Variants in DIP2B observed in about 807,000 individuals in gnomAD.
DIP2B encodes the protein DIP2 acetate--CoA ligase B (putative).
In DIP2B, 76 loss-of-function variants were observed where a neutral mutation model predicts 198.0. The observed-to-expected ratio is 0.38, with a 90% CI of 0.32 to 0.46. DIP2B has a LOEUF of 0.46. Among genes scored for constraint, DIP2B ranks in the 20% least tolerant of loss-of-function variants. The pLI, the probability that DIP2B is intolerant of heterozygous loss-of-function variation, is 0.99. For synonymous variants in DIP2B, 701 were observed against 739.1 expected, an observed-to-expected ratio of 0.95 and a Z score of 0.84; for missense variants, 1,559 against 1,978.4, an observed-to-expected ratio of 0.79 and a Z score of 4.02.
chr12:50,714,554 A>C lies in DIP2B; in HGVS notation c.2809A>C (p.Thr937Pro). Residue 937 changes from threonine (T) to proline (P), a missense_variant, in exon 23 of 38, where the codon ACA (threonine) becomes CCA (proline). Coordinates refer to ENST00000301180, the MANE Select transcript of DIP2B (RefSeq NM_173602.3). ...HPCNILMCPH[T>P]CVTNLPKPRQ... ...TTGCAACATCCTCATGTGCCCCCAT[A>C]CATGTGTGACAAACTTGCCAAAGCC... The C allele has an allele frequency of 6.2e-7, 1 of 1,614,138 alleles. No individual in the cohort carries two copies. The highest frequency in any genetic ancestry group is 8.5e-7 in the Non-Finnish European group (1 of 1,179,998).
chr12:50,626,142 C>A, intron 2 of DIP2B, 95 bp downstream of exon 2: 1 of 1,287,780 alleles, frequency 7.8e-7, no homozygotes, highest in Non-Finnish European at 1.1e-6. Flanking sequence ...TCCTGTTTTT[C>A]CCTCCCTTCC....
intron 22 of DIP2B, among the ~76,000 whole-genome samples, chr12:50,713,232 G>C (rs958338688): frequency 2.0e-5 from 3 of 152,150 alleles, no homozygotes; most frequent in Non-Finnish European, 4.4e-5. Flanking sequence ...ACAGACTTGA[G>C]TCACCATACC....
chr12:50,641,920 T>A lies in DIP2B; in HGVS notation c.301+1068T>A, dbSNP rs146196687. 5.9e-4 allele frequency among the ~76,000 whole-genome samples: 90 copies of A among 152,334 alleles called. 2 individuals carry two copies. In the East Asian group the frequency reaches 0.016, roughly 27 times the overall value. The stretch of plus-strand genomic sequence containing the variant: ...GGGGATATTATTTATTTTCTTCAGA[T>A]TTTTGTCTTCTTTGTACTGACCAAG... On this transcript the variant is annotated intron_variant, in intron 3 of 37. Transcript: ENST00000301180.
At chr12:50,526,958 A>G (rs1339128567) in intron 1 of DIP2B, among the ~76,000 whole-genome samples, 4 of 152,248 alleles carry the variant, frequency 2.6e-5, no homozygotes, top group African/African-American at 9.6e-5. Context: ...TCTTAACCAA[A>G]TGTAATATCC....
At chr12:50,736,631 A>G (rs7977690) in intron 34 of DIP2B, among the ~76,000 whole-genome samples, 41,179 of 152,044 alleles carry the variant, frequency 0.27, 6,341 homozygotes, top group Non-Finnish European at 0.35. Context: ...GGAGTGACTT[A>G]GGCTGTCCCT....
chr12:50,652,323 TTA>T (rs1053472591), intron 3 of DIP2B, among the ~76,000 whole-genome samples: 5 of 129,260 alleles, frequency 3.9e-5, no homozygotes, highest in Admixed American at 8.9e-5. Context: ...AATATATATA[TTA>T]TATATATATA....
intron 26 of DIP2B, among the ~76,000 whole-genome samples, chr12:50,722,313 C>T (rs1219836034): frequency 4.7e-5 from 7 of 149,546 alleles, no homozygotes; most frequent in Non-Finnish European, 8.9e-5. Flanking sequence ...GAGACGGAGC[C>T]TTGCTCTGCC....
At chr12:50,630,678 T>C (rs983021307) in intron 2 of DIP2B, among the ~76,000 whole-genome samples, 2 of 143,374 alleles carry the variant, frequency 1.4e-5, no homozygotes, top group Admixed American at 1.4e-4. Flanking sequence ...TTTTTTTTTT[T>C]TTTTTTTTTT....
chr12:50,727,630 A>G lies in DIP2B; in HGVS notation c.3401-73A>G, dbSNP rs74689988. ...TGCGAAGCTAAATTTGGCCATAGCAAAGCCACAGAAGAGCAATGATTTTCA... is the reference window on the plus strand; with the variant it reads ...TGCGAAGCTAAATTTGGCCATAGCAGAGCCACAGAAGAGCAATGATTTTCA... On this transcript the variant is annotated intron_variant, in intron 28 of 37. Coordinates refer to ENST00000301180, the MANE Select transcript of DIP2B (RefSeq NM_173602.3). 13,335 of 1,420,518 alleles carry G rather than the reference A, an allele frequency of 9.4e-3. 79 individuals carry two copies. The highest frequency in any genetic ancestry group is 0.012 in the Non-Finnish European group (12,039 of 1,011,498). The allele number at this position is 1,420,518 out of a possible 1,614,324, so 88.0% of individuals were successfully genotyped here. A position where few individuals can be genotyped will look rare whatever the true frequency, so the allele number is the denominator to read the frequency against.
rs1224975544 is a variant in DIP2B, at chr12:50,746,858, T to C, written c.*2019T>C. 2 of 152,222 alleles carry C rather than the reference T, an allele frequency of 1.3e-5. No homozygotes were observed. The highest frequency in any genetic ancestry group is 2.4e-5 in the African/African-American group (1 of 41,450). 9.4% of individuals were successfully genotyped at this position (152,222 alleles called of 1,614,324 possible). A position where few individuals can be genotyped will look rare whatever the true frequency, so the allele number is the denominator to read the frequency against. On this transcript the variant is annotated 3_prime_UTR_variant, in exon 38 of 38. Transcript: ENST00000301180. ...TATAATCCCCAAGTTCTAAAAGTTA[T>C]GGTTAGATGCTATTCTGTGGGTTGC...
chr12:50,576,435 T>G (rs1477850555), intron 1 of DIP2B, among the ~76,000 whole-genome samples: 2 of 151,646 alleles, frequency 1.3e-5, no homozygotes, highest in Non-Finnish European at 2.9e-5. Flanking sequence ...AGACCACATG[T>G]GGTCTGCAAA....
At chr12:50,636,721 G>C (rs1938165859) in intron 2 of DIP2B, among the ~76,000 whole-genome samples, 3 of 152,200 alleles carry the variant, frequency 2.0e-5, no homozygotes, top group African/African-American at 7.2e-5. Context: ...GCATCATGGA[G>C]GAGGAGCCAG....
chr12:50,680,843 T>C, intron 9 of DIP2B, 80 bp downstream of exon 9: 1 of 1,308,828 alleles, frequency 7.6e-7, no homozygotes. Flanking sequence ...TCTGGAGTTT[T>C]CATATACAAC....
chr12:50,652,547 G>T (rs978626338), intron 3 of DIP2B, among the ~76,000 whole-genome samples: 1 of 151,842 alleles, frequency 6.6e-6, no homozygotes, highest in Non-Finnish European at 1.5e-5. Context: ...AAAAAAAGAA[G>T]TATGAAGACT....
chr12:50,636,391 T>C (rs1189181498), intron 2 of DIP2B, among the ~76,000 whole-genome samples: 1 of 152,190 alleles, frequency 6.6e-6, no homozygotes, highest in Non-Finnish European at 1.5e-5. Flanking sequence ...TTCATTTGTT[T>C]GGTTTGGATG....
In DIP2B at chr12:50,734,143, A is replaced by G. The variant is rs1940097101; in HGVS notation, c.3990A>G (p.Ser1330=). Reference sequence around the variant, plus strand: ...GATTTGTCTTTCTTTAGGGAACCTCAGGGCCTGATCCGACTACTGTGTATG... The same window carrying G: ...GATTTGTCTTTCTTTAGGGAACCTCGGGGCCTGATCCGACTACTGTGTATG... ...VNVAICLQGT[S]GPDPTTVYVD... is the part of the protein sequence containing the mutation. The change falls in exon 33 of 38, where the codon TCA becomes TCG. Residue 1330 remains serine, a synonymous_variant. Coordinates refer to ENST00000301180, the MANE Select transcript of DIP2B (RefSeq NM_173602.3). The G allele has an allele frequency of 6.2e-7, 1 of 1,614,204 alleles. No homozygotes were observed. Among genetic ancestry groups the G allele is most frequent in the Admixed American group, 1.7e-5 (1 of 60,020 alleles).
At chr12:50,550,055 A>G (rs1344864838) in intron 1 of DIP2B, among the ~76,000 whole-genome samples, 1 of 152,142 alleles carries the variant, frequency 6.6e-6, no homozygotes, top group African/African-American at 2.4e-5. Context: ...AGCCTTGAGT[A>G]TTCCTGCTTT....
At chr12:50,556,940 C>T (rs531495409) in intron 1 of DIP2B, among the ~76,000 whole-genome samples, 1 of 152,236 alleles carries the variant, frequency 6.6e-6, no homozygotes, top group East Asian at 1.9e-4. Context: ...GAACTCCTGA[C>T]CTCAGGTGAT....
At chr12:50,672,540 TAAC>T (rs1938873059) in intron 5 of DIP2B, among the ~76,000 whole-genome samples, 2 of 152,252 alleles carry the variant, frequency 1.3e-5, no homozygotes, top group Non-Finnish European at 2.9e-5. Flanking sequence ...GGATTTTTGT[TAAC>T]AAGATGTCTC....
Sources: allele counts gnomAD v4.1 joint callset (sites outside exome capture counted in the v4.1 genomes callset), GRCh38; gene constraint gnomAD v4.1.1; transcripts MANE v1.5; gene names NCBI Gene and HGNC (gene_info 2026-07-23, HGNC 2026-07-21).